Variants in PSTPIP2 observed in about 807,000 individuals in gnomAD.
PSTPIP2 encodes the protein proline-serine-threonine phosphatase-interacting protein 2.
PSTPIP2 carries 33 observed loss-of-function variants against 63.3 expected under a neutral mutation model. The ratio of observed to expected loss-of-function variants is 0.52; its 90% CI spans 0.40 to 0.70. PSTPIP2 has a LOEUF of 0.70. PSTPIP2 is among the 30% of genes least tolerant of loss of function. The pLI is 0.00. For missense variants in PSTPIP2, 312 were observed against 400.7 expected (o/e 0.78, Z 1.89); for synonymous variants, 125 against 132.7 (o/e 0.94, Z 0.40).
chr18:46,028,358 C>A, intron 2 of PSTPIP2: 1 of 485,518 alleles, frequency 2.1e-6, no homozygotes, highest in South Asian at 1.7e-5. Context: ...CAAAAGGCTG[C>A]CGCTTCATCC....
intron 4 of PSTPIP2, among the ~76,000 whole-genome samples, chr18:46,014,015 G>A (rs2051827589): frequency 6.6e-6 from 1 of 151,512 alleles, no homozygotes; most frequent in African/African-American, 2.4e-5. Context: ...CTGAAGGAGA[G>A]GAGTAAAGAA....
intron 14 of PSTPIP2, among the ~76,000 whole-genome samples, 162 bp from the exon 15 acceptor site, chr18:45,985,612 C>T (rs2051458994): frequency 6.6e-6 from 1 of 152,140 alleles, no homozygotes; most frequent in African/African-American, 2.4e-5. Flanking sequence ...GTGACGATAA[C>T]AGCATTGCTT....
chr18:46,051,508 AAC>A (rs977396969), intron 1 of PSTPIP2, among the ~76,000 whole-genome samples: 3 of 152,144 alleles, frequency 2.0e-5, no homozygotes, highest in Admixed American at 6.5e-5. Context: ...AACTGAAAAC[AAC>A]ACAGATTATT....
At chr18:45,999,943 G>A (rs1039524831) in intron 6 of PSTPIP2, among the ~76,000 whole-genome samples, 6 of 152,122 alleles carry the variant, frequency 3.9e-5, no homozygotes, top group African/African-American at 1.2e-4. Flanking sequence ...TTCAAGACAA[G>A]CCTGGGCAAA....
chr18:46,028,251 C>G (rs796525583), intron 2 of PSTPIP2: 45 of 405,114 alleles, frequency 1.1e-4, no homozygotes, highest in African/African-American at 9.2e-4. Flanking sequence ...AACTGAGGAG[C>G]CGAATGAAAC....
At chr18:46,007,783 A>G (rs951603460) in intron 5 of PSTPIP2, among the ~76,000 whole-genome samples, 1 of 152,150 alleles carries the variant, frequency 6.6e-6, no homozygotes, top group Non-Finnish European at 1.5e-5. Context: ...TTCACCTCCT[A>G]TCATTCCTGT....
At chr18:46,045,991 A>C (rs1469502917) in intron 1 of PSTPIP2, among the ~76,000 whole-genome samples, 3 of 152,234 alleles carry the variant, frequency 2.0e-5, no homozygotes, top group African/African-American at 7.2e-5. Flanking sequence ...TAATTGAAAC[A>C]GTATGTACCT....
At chr18:46,059,892 G>A (rs894647890) in intron 1 of PSTPIP2, among the ~76,000 whole-genome samples, 7 of 152,166 alleles carry the variant, frequency 4.6e-5, no homozygotes, top group Non-Finnish European at 7.3e-5. Context: ...TTACCCGGGC[G>A]TGGTGGCACA....
At chr18:46,029,612 A>G in intron 2 of PSTPIP2, 1 of 767,172 alleles carries the variant, frequency 1.3e-6, no homozygotes, top group Non-Finnish European at 2.4e-6. Flanking sequence ...GCTATAATGA[A>G]CTTGGTTACA....
chr18:46,057,476 C>T (rs1294018264), intron 1 of PSTPIP2, among the ~76,000 whole-genome samples: 2 of 151,498 alleles, frequency 1.3e-5, no homozygotes, highest in Non-Finnish European at 2.9e-5. Flanking sequence ...TACAGGCGAG[C>T]GCCACCACGC....
At chr18:46,054,761 A>G (rs1240184388) in intron 1 of PSTPIP2, among the ~76,000 whole-genome samples, 5 of 151,230 alleles carry the variant, frequency 3.3e-5, no homozygotes, top group African/African-American at 1.2e-4. Flanking sequence ...CCTGGGTTCA[A>G]ATGATTCTCC....
chr18:46,032,595 A>G (rs1397173355), intron 2 of PSTPIP2, among the ~76,000 whole-genome samples: 4 of 151,902 alleles, frequency 2.6e-5, no homozygotes, highest in African/African-American at 9.7e-5. Context: ...TTCTACTAAA[A>G]ATACAAAAAA....
At chr18:46,003,443 G>A (rs976316284) in intron 6 of PSTPIP2, among the ~76,000 whole-genome samples, 5 of 152,190 alleles carry the variant, frequency 3.3e-5, no homozygotes, top group Non-Finnish European at 7.3e-5. Context: ...ATGTGTGGAG[G>A]TGGGTCCCCA....
chr18:45,992,234 G>A, intron 10 of PSTPIP2, 32 bp from the exon 11 acceptor site: 1 of 1,516,636 alleles, frequency 6.6e-7, no homozygotes, highest in East Asian at 2.4e-5. Flanking sequence ...ATAGGTAGAG[G>A]TATGTTGAGA....
intron 1 of PSTPIP2, among the ~76,000 whole-genome samples, chr18:46,042,390 G>C (rs1908224620): frequency 6.6e-6 from 1 of 152,028 alleles, no homozygotes; most frequent in African/African-American, 2.4e-5. Flanking sequence ...TCAATTCCCA[G>C]GTTTTCCCGA....
In PSTPIP2 at chr18:46,040,206, AC is replaced by A. The variant is rs1908141213; in HGVS notation, c.34-160del. The A allele has an allele frequency of 1.4e-5, 7 of 499,608 alleles. No individual in the cohort carries two copies. The East Asian group carries it at 2.1e-4, about 15-fold the overall frequency. 30.9% of individuals were successfully genotyped at this position (499,608 alleles called of 1,614,324 possible). A position where few individuals can be genotyped will look rare whatever the true frequency, so the allele number is the denominator to read the frequency against. ...ACTTAGGAGCCTGTCAGGCTTCTCC[AC>A]CCCCACCCTGGAGATGAAAGAACAT... On this transcript the variant is annotated intron_variant, in intron 1 of 14. Coordinates refer to ENST00000409746, the MANE Select transcript of PSTPIP2 (RefSeq NM_024430.4).
chr18:46,035,217 G>C (rs1446787850), intron 2 of PSTPIP2, among the ~76,000 whole-genome samples: 1 of 152,056 alleles, frequency 6.6e-6, no homozygotes, highest in Non-Finnish European at 1.5e-5. Context: ...GAGACCAAGA[G>C]TTCAAGACCA....
chr18:46,063,161 C>G (rs1321211328), intron 1 of PSTPIP2, among the ~76,000 whole-genome samples: 1 of 152,028 alleles, frequency 6.6e-6, no homozygotes, highest in Non-Finnish European at 1.5e-5. Flanking sequence ...GGCCACCATG[C>G]CTTGCTAATT....
At chr18:46,030,146 G>T (rs184706235) in intron 2 of PSTPIP2, among the ~76,000 whole-genome samples, 1 of 152,192 alleles carries the variant, frequency 6.6e-6, no homozygotes, top group Admixed American at 6.5e-5. Context: ...GAAAAAGAAA[G>T]AAAGAAAAGG....
Sources: gnomAD v4.1 joint callset for allele counts (sites outside exome capture counted in the v4.1 genomes callset) on GRCh38, gnomAD v4.1.1 for gene constraint, MANE v1.5 for transcripts, NCBI Gene and HGNC (gene_info 2026-07-23, HGNC 2026-07-21) for gene names.